ZRANB1: variants seen among roughly 807,000 people sequenced by gnomAD.
ZRANB1 encodes the protein zinc finger RANBP2-type containing 1.
A neutral mutation model predicts 80.5 loss-of-function variants in ZRANB1; 16 were observed. The ratio of observed to expected loss-of-function variants is 0.20; its 90% CI spans 0.13 to 0.30. The LOEUF (loss-of-function observed/expected upper bound fraction) is 0.30, where lower values mean the gene tolerates loss of function less well. Among genes scored for constraint, ZRANB1 ranks in the 10% least tolerant of loss-of-function variants. The pLI is 1.00. For synonymous variants in ZRANB1, 291 were observed against 293.1 expected (o/e 0.99, Z 0.07); for missense variants, 576 against 862.6 (o/e 0.67, Z 4.16).
the ZRANB1 span, among the ~76,000 whole-genome samples, chr10:124,930,556 G>A: frequency 6.6e-6 from 1 of 152,156 alleles, no homozygotes; most frequent in Non-Finnish European, 1.5e-5. Context: ...ATGAGCCACG[G>A]TACCTGACCT....
the ZRANB1 span, among the ~76,000 whole-genome samples, chr10:124,922,520 T>G: frequency 7.7e-5 from 11 of 143,422 alleles, no homozygotes; most frequent in Non-Finnish European, 1.4e-4. Context: ...TAAGATGGAG[T>G]CTCTCCCTGT....
chr10:124,979,146 C>T (rs1037268378), intron 5 of ZRANB1, among the ~76,000 whole-genome samples: 2 of 152,164 alleles, frequency 1.3e-5, no homozygotes, highest in African/African-American at 4.8e-5. Flanking sequence ...AATCTTCATA[C>T]ATTGCTGATA....
intron 1 of ZRANB1, chr10:124,946,272 G>C (rs1474115014): frequency 6.6e-6 from 1 of 152,202 alleles, no homozygotes; most frequent in East Asian, 1.9e-4. Flanking sequence ...TACAAAATTA[G>C]CCGGGCATGG....
chr10:124,938,511 G>A (rs902447885), upstream of ZRANB1, among the ~76,000 whole-genome samples: 3 of 151,638 alleles, frequency 2.0e-5, no homozygotes, highest in Non-Finnish European at 4.4e-5. Flanking sequence ...ATTTTTTGAA[G>A]AGATGTGGTT....
chr10:124,951,510 A>C (rs1413756945), intron 1 of ZRANB1, among the ~76,000 whole-genome samples: 1 of 152,214 alleles, frequency 6.6e-6, no homozygotes, highest in Non-Finnish European at 1.5e-5. Context: ...TTAACTTGAG[A>C]GAAAACTCAG....
chr10:124,959,316 G>GA (rs966385398), intron 1 of ZRANB1, among the ~76,000 whole-genome samples: 6 of 152,238 alleles, frequency 3.9e-5, no homozygotes, highest in Middle Eastern at 3.4e-3. Context: ...CAAATAACCC[G>GA]AGAGAAGTCA....
intron 1 of ZRANB1, among the ~76,000 whole-genome samples, chr10:124,962,690 A>AT (rs72348969): frequency 6.6e-6 from 1 of 151,618 alleles, no homozygotes; most frequent in Non-Finnish European, 1.5e-5. Context: ...TTTGCTTTTT[A>AT]TTTTTTTTAA....
chr10:124,947,922 T>A (rs1951598248), intron 1 of ZRANB1, among the ~76,000 whole-genome samples: 1 of 152,210 alleles, frequency 6.6e-6, no homozygotes, highest in Non-Finnish European at 1.5e-5. Context: ...AACCCTCTAG[T>A]GATCACCTGT....
At chr10:124,920,497 C>T in the ZRANB1 span, among the ~76,000 whole-genome samples, 1 of 152,160 alleles carries the variant, frequency 6.6e-6, no homozygotes, top group Non-Finnish European at 1.5e-5. Flanking sequence ...TAGTCTGGAA[C>T]TGATCCATTC....
At chr10:124,960,069 G>T (rs1419512240) in intron 1 of ZRANB1, among the ~76,000 whole-genome samples, 1 of 152,174 alleles carries the variant, frequency 6.6e-6, no homozygotes, top group Non-Finnish European at 1.5e-5. Context: ...CATTTTTCCT[G>T]GACATAGGAG....
At chr10:124,945,409 A>ATTTTTTTTTTTTTTTTTTTTTTTT (rs57697692) in intron 1 of ZRANB1, 2 of 123,546 alleles carry the variant, frequency 1.6e-5, no homozygotes, top group Admixed American at 8.7e-5. Context: ...TCTTAAAATC[A>ATTTTTTTTTTTTTTTTTTTTTTTT]TTTTTTTTTT....
intron 2 of ZRANB1, among the ~76,000 whole-genome samples, chr10:124,968,928 G>T (rs1951798152): frequency 6.6e-6 from 1 of 152,178 alleles, no homozygotes; most frequent in Non-Finnish European, 1.5e-5. Flanking sequence ...GTTTGTGAGG[G>T]TTAGAATCCA....
chr10:124,947,516 A>G (rs953512856), intron 1 of ZRANB1, among the ~76,000 whole-genome samples: 1 of 152,206 alleles, frequency 6.6e-6, no homozygotes, highest in African/African-American at 2.4e-5. Context: ...AGAACACCAT[A>G]TTAAATCTGT....
chr10:124,971,174 T>C lies in ZRANB1; in HGVS notation c.1003-791T>C, dbSNP rs79111132. ...ATGCTCAACTGTGATTTTAGAATTC[T>C]GTGTATGTATTTTTATTTAGCTCCA... On this transcript the variant is annotated intron_variant, in intron 2 of 8. Coordinates refer to ENST00000359653, the MANE Select transcript of ZRANB1 (RefSeq NM_017580.3). Among the ~76,000 whole-genome samples the C allele has an allele frequency of 9.6e-3, 1,461 of 152,334 alleles. 11 individuals carry two copies. The highest frequency in any genetic ancestry group is 0.015 in the Non-Finnish European group (1,000 of 68,028).
At chr10:124,967,772 G>A (rs1377776422) in intron 2 of ZRANB1, among the ~76,000 whole-genome samples, 1 of 152,130 alleles carries the variant, frequency 6.6e-6, no homozygotes, top group African/African-American at 2.4e-5. Flanking sequence ...GATTGGATAT[G>A]GGAAGATACA....
chr10:124,984,384 G>T, intron 8 of ZRANB1: 1 of 170,826 alleles, frequency 5.9e-6, no homozygotes, highest in Non-Finnish European at 1.2e-5. Flanking sequence ...ATCACAACAT[G>T]AAGAAAAAAA....
rs1274972390 is a variant in ZRANB1 at position 124,985,756 on chromosome 10, GGTCT to G, written c.*767_*770del. The G allele has an allele frequency of 6.6e-6, 1 of 152,294 alleles. No individual in the cohort carries two copies. Among genetic ancestry groups the G allele is most frequent in the East Asian group, 1.9e-4 (1 of 5,202 alleles). The allele number at this position is 152,294 out of a possible 1,614,324, so 9.4% of individuals were successfully genotyped here. The stretch of plus-strand genomic sequence containing the variant: ...GTTCTTATTCCAGATTCTGGGCAGT[GGTCT>G]GTGAGTAGTTTTTTTCCTGGATGAA... On this transcript the variant is annotated 3_prime_UTR_variant, in exon 9 of 9. Transcript: ENST00000359653.
At chr10:124,949,312 C>G (rs1951611173) in intron 1 of ZRANB1, among the ~76,000 whole-genome samples, 1 of 151,854 alleles carries the variant, frequency 6.6e-6, no homozygotes, top group African/African-American at 2.4e-5. Flanking sequence ...ATAGCTGCAT[C>G]TTTCTTAAGT....
intron 1 of ZRANB1, chr10:124,945,073 T>C (rs1394581215): frequency 6.6e-6 from 1 of 152,226 alleles, no homozygotes; most frequent in Non-Finnish European, 1.5e-5. Context: ...TTGTTATTAG[T>C]TTCCTTAGAG....
Sources: gnomAD v4.1 joint callset for allele counts (sites outside exome capture counted in the v4.1 genomes callset) on GRCh38, gnomAD v4.1.1 for gene constraint, MANE v1.5 for transcripts, NCBI Gene and HGNC (gene_info 2026-07-23, HGNC 2026-07-21) for gene names.